Variants in PCDHA9 observed in about 807,000 individuals in gnomAD.
PCDHA9 encodes the protein protocadherin alpha 9.
Under a neutral mutation model 62.0 loss-of-function variants are expected in PCDHA9, and 62 were observed. The observed-to-expected ratio is 1.00, with a 90% CI of 0.81 to 1.23. The LOEUF (loss-of-function observed/expected upper bound fraction) is 1.23. Among genes scored for constraint, PCDHA9 ranks in the 50% most tolerant of loss-of-function variants. The pLI is 0.00. For synonymous variants in PCDHA9, 557 were observed against 567.6 expected, an observed-to-expected ratio of 0.98 and a Z score of 0.27; for missense variants, 1,205 against 1,249.8, an observed-to-expected ratio of 0.96 and a Z score of 0.54.
chr5:140,910,175 T>C (rs1296033470), intron 1 of PCDHA9, among the ~76,000 whole-genome samples: 1 of 152,240 alleles, frequency 6.6e-6, no homozygotes. Flanking sequence ...CCTCTGTTTT[T>C]ATAATTCAAA....
At chr5:140,882,701 T>C in intron 1 of PCDHA9, 2 of 1,614,138 alleles carry the variant, frequency 1.2e-6, no homozygotes, top group South Asian at 1.1e-5. Context: ...CATTGCAGAA[T>C]CTAGACCTCC....
intron 1 of PCDHA9, among the ~76,000 whole-genome samples, chr5:140,957,828 G>A (rs554121251): frequency 6.0e-5 from 9 of 150,668 alleles, no homozygotes; most frequent in Non-Finnish European, 1.2e-4. Context: ...AAGAGAAAGT[G>A]TTAATTGATT....
chr5:140,890,488 T>C (rs1022131727), intron 1 of PCDHA9, among the ~76,000 whole-genome samples: 20 of 152,340 alleles, frequency 1.3e-4, no homozygotes, highest in African/African-American at 4.8e-4. Flanking sequence ...GTTATTTTTG[T>C]CTCACCATTT....
chr5:140,960,665 G>A (rs1180311598), intron 1 of PCDHA9, among the ~76,000 whole-genome samples: 2 of 152,066 alleles, frequency 1.3e-5, no homozygotes, highest in Non-Finnish European at 2.9e-5. Context: ...TGAATGCTTT[G>A]GCTAAAACCT....
chr5:140,883,467 CCTACAAGAA>C (rs1554178369), intron 1 of PCDHA9: 1 of 1,614,170 alleles, frequency 6.2e-7, no homozygotes, highest in East Asian at 2.2e-5. Flanking sequence ...CTGGTGTCCA[CCTACAAGAA>C]CTACTACTCA....
intron 1 of PCDHA9, among the ~76,000 whole-genome samples, chr5:140,924,894 CAAAA>C (rs782133089): frequency 1.1e-4 from 8 of 71,470 alleles, no homozygotes; most frequent in African/African-American, 3.4e-4. Flanking sequence ...GAACCTGTCT[CAAAA>C]AAAAAAATAA....
chr5:140,864,321 C>T (rs1040853151), intron 1 of PCDHA9: 1 of 152,126 alleles, frequency 6.6e-6, no homozygotes, highest in African/African-American at 2.4e-5. Flanking sequence ...TATTTAATAT[C>T]ATAATTATTT....
At chr5:141,004,100 ATCT>A (rs1241437793) in intron 3 of PCDHA9, among the ~76,000 whole-genome samples, 4 of 152,204 alleles carry the variant, frequency 2.6e-5, no homozygotes, top group Non-Finnish European at 5.9e-5. Context: ...TTCCGTTTTC[ATCT>A]TCTTCAAAAG....
At position 140,849,878 on chromosome 5, in the gene PCDHA9, G is replaced by A. The variant is rs2150455933; in HGVS notation, c.1383G>A (p.Thr461=). Residue 461 remains threonine, a synonymous_variant, in exon 1 of 4, where the codon ACG becomes ACA. Transcript: ENST00000532602. ...NAPAFAQSEY[T]VFVKENNPPG... is the part of the protein sequence containing the mutation. ...CAGCGTTCGCGCAGTCCGAGTACACGGTGTTCGTGAAGGAGAACAACCCGC... is the reference window on the plus strand; with the variant it reads ...CAGCGTTCGCGCAGTCCGAGTACACAGTGTTCGTGAAGGAGAACAACCCGC... The A allele has an allele frequency of 1.1e-5, 17 of 1,598,602 alleles. 2 individuals are homozygous for A. The Middle Eastern group carries it at 5.1e-4, about 48-fold the overall frequency.
In PCDHA9 at chr5:141,010,640, G is replaced by A. The variant is rs2098417874; in HGVS notation, c.*703G>A. The A allele has an allele frequency of 5.6e-6, 1 of 179,322 alleles. No homozygotes were observed. Among genetic ancestry groups the A allele is most frequent in the South Asian group, 1.4e-4 (1 of 7,048 alleles). 11.1% of individuals were successfully genotyped at this position (179,322 alleles called of 1,614,324 possible). A position where few individuals can be genotyped will look rare whatever the true frequency, so the allele number is the denominator to read the frequency against. On this transcript the variant is annotated 3_prime_UTR_variant, in exon 4 of 4. Transcript: ENST00000532602. ...TCTGCATCATACCTGCAAGCCAACA[G>A]TTCAGTGTTTTAACAGAGAACCACC...
chr5:140,903,955 A>G (rs536986744), intron 1 of PCDHA9, among the ~76,000 whole-genome samples: 1 of 152,308 alleles, frequency 6.6e-6, no homozygotes, highest in Non-Finnish European at 1.5e-5. Context: ...CTGGAAAATT[A>G]TTTGTTGATT....
intron 1 of PCDHA9, among the ~76,000 whole-genome samples, chr5:140,900,537 A>G (rs2068113323): frequency 6.6e-6 from 1 of 152,204 alleles, no homozygotes; most frequent in African/African-American, 2.4e-5. Context: ...TCGGCTTTCC[A>G]AAGTGCTGGG....
At chr5:140,927,167 C>G in intron 1 of PCDHA9, 3 of 1,614,164 alleles carry the variant, frequency 1.9e-6, no homozygotes, top group Non-Finnish European at 2.5e-6. Flanking sequence ...GCCAAAGCTG[C>G]CTGCGTCTTG....
At chr5:140,863,942 G>C (rs868949663) in intron 1 of PCDHA9, 1 of 159,974 alleles carries the variant, frequency 6.3e-6, no homozygotes, top group Non-Finnish European at 1.4e-5. Context: ...CAGAGGTTGC[G>C]GTGAGCCTAG....
intron 1 of PCDHA9, among the ~76,000 whole-genome samples, chr5:140,892,821 T>C (rs2063687425): frequency 6.6e-6 from 1 of 152,210 alleles, no homozygotes; most frequent in Non-Finnish European, 1.5e-5. Context: ...TATCCTACAG[T>C]GCTACAGTGC....
chr5:140,915,684 G>T (rs576904848), intron 1 of PCDHA9, among the ~76,000 whole-genome samples: 5 of 151,572 alleles, frequency 3.3e-5, no homozygotes, highest in South Asian at 4.2e-4. Context: ...TGAACTAGGG[G>T]TATGGTGATG....
intron 1 of PCDHA9, chr5:140,856,305 A>G (rs782323132): frequency 1.9e-6 from 3 of 1,598,594 alleles, no homozygotes; most frequent in Non-Finnish European, 2.6e-6. Flanking sequence ...TTGTTTGTGA[A>G]TTCTCGGATT....
chr5:140,871,253 A>G (rs1372338399), intron 1 of PCDHA9: 1 of 1,613,856 alleles, frequency 6.2e-7, no homozygotes, highest in Non-Finnish European at 8.5e-7. Context: ...CTGCTGCTGT[A>G]TACGGCGCTG....
At position 140,870,714 on chromosome 5, in the gene PCDHA9, C is replaced by A. The variant is rs2052324296; in HGVS notation, c.2394+19825C>A. On this transcript the variant is annotated intron_variant, in intron 1 of 3. Transcript: ENST00000532602. ...TGCTACAGTTCCAGGTGAGCGCGCG[C>A]GATGCGGGCGTGCCGCCTCTGAGCA... 6 of 1,612,992 alleles carry A rather than the reference C, an allele frequency of 3.7e-6. No individual in the cohort carries two copies. The African/African-American group carries it at 4.0e-5, about 11-fold the overall frequency.
Sources: gnomAD v4.1 joint callset for allele counts (sites outside exome capture counted in the v4.1 genomes callset) on GRCh38, gnomAD v4.1.1 for gene constraint, MANE v1.5 for transcripts, NCBI Gene and HGNC (gene_info 2026-07-23, HGNC 2026-07-21) for gene names.